WNK4: variants seen among roughly 807,000 people sequenced by gnomAD.
The protein encoded by WNK4 is serine/threonine-protein kinase WNK4.
A neutral mutation model predicts 116.2 loss-of-function variants in WNK4; 94 were observed. The ratio of observed to expected loss-of-function variants is 0.81; its 90% CI spans 0.68 to 0.96. The LOEUF is 0.96. Ranked by LOEUF, WNK4 falls within the 40% of genes least tolerant of loss-of-function variation. WNK4 has a pLI of 0.00. For synonymous variants in WNK4, 655 were observed against 672.7 expected, an observed-to-expected ratio of 0.97 and a Z score of 0.41; for missense variants, 1,542 against 1,650.6, an observed-to-expected ratio of 0.93 and a Z score of 1.14.
At chr17:42,788,912 G>A in intron 11 of WNK4, 115 bp downstream of exon 11, 1 of 867,874 alleles carries the variant, frequency 1.2e-6, no homozygotes, top group South Asian at 1.3e-5. Context: ...TAAATCTCTG[G>A]TTGACACTTA....
Position 42,784,519 on chromosome 17 carries a change from C to T in WNK4, c.1110C>T (p.Thr370=). ...AFGMCMLEMA[T]SEYPYSECQN... ...GCATGTGCATGCTGGAGATGGCCAC[C>T]TCTGAGTACCCGTACTCCGAGTGCC... The change falls in exon 4 of 19, where the codon ACC becomes ACT. Residue 370 remains threonine (T), a synonymous_variant. Transcript: ENST00000246914. The surrounding 1 kb of genome is among the most constrained non-coding windows in gnomAD (Gnocchi z 4.4). The T allele has an allele frequency of 1.9e-6, 3 of 1,614,072 alleles. No individual in the cohort carries two copies. The highest frequency in any genetic ancestry group is 2.5e-6 in the Non-Finnish European group (3 of 1,180,022).
chr17:42,790,818 G>T (rs527280768), intron 11 of WNK4, among the ~76,000 whole-genome samples: 2 of 152,066 alleles, frequency 1.3e-5, no homozygotes, highest in African/African-American at 4.8e-5. Flanking sequence ...CCCATGGGGT[G>T]AAGGAGGGAA....
In WNK4 at chr17:42,780,782, T is replaced by A; in HGVS notation, c.84T>A (p.Leu28=). The change falls in exon 1 of 19, where the codon CTT becomes CTA. Residue 28 remains leucine (L), a synonymous_variant. Transcript: ENST00000246914. ...ADLALRPPPP[L]GTAGQPRLGP... ...TGGCCCTGCGGCCCCCGCCTCCTCT[T>A]GGCACCGCGGGGCAGCCCCGCCTCG... is the stretch of plus-strand genomic sequence containing the variant. 6.2e-7 allele frequency: 1 copy of A among 1,605,518 alleles called. No homozygotes were observed. Among genetic ancestry groups the A allele is most frequent in the Non-Finnish European group, 8.5e-7 (1 of 1,178,818 alleles).
chr17:42,796,165 AG>A lies in WNK4; in HGVS notation c.3475del (p.Glu1159LysfsTer60), dbSNP rs749517605. On this transcript the variant is annotated frameshift_variant, in exon 17 of 19. Transcript: ENST00000246914. LOFTEE classifies it high-confidence loss of function. ...VETLQTLQKK[E>X]IEDLYSRLGK... is the part of the protein sequence containing the mutation. ...AAACACTACAGACACTACAGAAAAA[AG>A]AAATTGAAGATTTGTACAGCCGGCT... The A allele has an allele frequency of 6.2e-7, 1 of 1,614,164 alleles. No individual in the cohort carries two copies. Among genetic ancestry groups the A allele is most frequent in the Non-Finnish European group, 8.5e-7 (1 of 1,180,032 alleles).
rs775125625 is a variant in WNK4 at position 42,780,958 on chromosome 17, C to T, written c.260C>T (p.Pro87Leu). ...CCCGCTCCGGACCCCCCCGATCCTC[C>T]GGACTCCGCTGGTCCTGGCCCCGCG... is the stretch of plus-strand genomic sequence containing the variant. The part of the protein sequence containing the change: ...ASPAPDPPDP[P>L]DSAGPGPARS... The change falls in exon 1 of 19, where the codon CCG (proline) becomes CTG (leucine). Residue 87 changes from proline (P) to leucine (L), a missense_variant. By Grantham distance (98) the Pro-to-Leu change is moderately conservative. Coordinates refer to ENST00000246914, the MANE Select transcript of WNK4 (RefSeq NM_032387.5). The T allele has an allele frequency of 1.4e-5, 22 of 1,610,480 alleles. No homozygotes were observed. Among genetic ancestry groups the T allele is most frequent in the South Asian group, 7.7e-5 (7 of 91,056 alleles).
At chr17:42,789,319 C>A (rs989615386) in intron 11 of WNK4, among the ~76,000 whole-genome samples, 1 of 151,808 alleles carries the variant, frequency 6.6e-6, no homozygotes, top group Non-Finnish European at 1.5e-5. Flanking sequence ...GGAGTGAAGC[C>A]GGGTAGGTAG....
chr17:42,788,818 G>C, intron 11 of WNK4, 21 bp downstream of exon 11: 63 of 1,524,918 alleles, frequency 4.1e-5, no homozygotes, highest in Non-Finnish European at 5.6e-5. Context: ...GAGAGATGAG[G>C]ACAGAGTGTT....
chr17:42,790,524 G>C (rs1012958400), intron 11 of WNK4, among the ~76,000 whole-genome samples: 1 of 152,146 alleles, frequency 6.6e-6, no homozygotes, highest in Non-Finnish European at 1.5e-5. Flanking sequence ...AGTCAGTACA[G>C]AGTTGAGAGT....
At position 42,796,049 on chromosome 17, in the gene WNK4, A is replaced by G; in HGVS notation, c.3431+16A>G. On this transcript the variant is annotated intron_variant, in intron 16 of 18. Transcript: ENST00000246914. ...TTCGGCAGAAGTGAGTCTCGGGAGGATGGAGGAGTGAGAGGAGAACCTGGG... is the reference window on the plus strand; with the variant it reads ...TTCGGCAGAAGTGAGTCTCGGGAGGGTGGAGGAGTGAGAGGAGAACCTGGG... 1 of 1,613,952 alleles carries G rather than the reference A, an allele frequency of 6.2e-7. No individual in the cohort carries two copies. The highest frequency in any genetic ancestry group is 8.5e-7 in the Non-Finnish European group (1 of 1,180,020).
Position 42,796,705 on chromosome 17 carries a change from A to C in WNK4, c.*17A>C. ...CTCCAGTGAATTCAGAACAGAAGCC[A>C]TGTATCTCCCCCACACCAGGGCCCA... On this transcript the variant is annotated 3_prime_UTR_variant, in exon 19 of 19. Coordinates refer to ENST00000246914, the MANE Select transcript of WNK4 (RefSeq NM_032387.5). The C allele has an allele frequency of 6.2e-7, 1 of 1,614,186 alleles. No individual in the cohort carries two copies. The highest frequency in any genetic ancestry group is 1.7e-5 in the Admixed American group (1 of 60,020).
chr17:42,784,974 G>T lies in WNK4; in HGVS notation c.1171-123G>T. 1 of 921,920 alleles carries T rather than the reference G, an allele frequency of 1.1e-6. No individual in the cohort carries two copies. The highest frequency in any genetic ancestry group is 2.0e-5 in the Admixed American group (1 of 49,940). 57.1% of individuals were successfully genotyped at this position (921,920 alleles called of 1,614,324 possible). ...TTTGAAATCACATCTTCCAGTAGCA[G>T]TCAGGCTTTTGCAACTGCACGCGCA... On this transcript the variant is annotated intron_variant, in intron 4 of 18. Coordinates refer to ENST00000246914, the MANE Select transcript of WNK4 (RefSeq NM_032387.5). This position sits in a 1 kb window ranked among gnomAD's most constrained non-coding sequence, Gnocchi z 4.4.
At chr17:42,792,582 T>C (rs1053138256) in intron 11 of WNK4, among the ~76,000 whole-genome samples, 1 of 152,222 alleles carries the variant, frequency 6.6e-6, no homozygotes, top group Admixed American at 6.5e-5. Flanking sequence ...TTTCTATCTA[T>C]ATCTCACTTG....
In WNK4 at chr17:42,780,658, G is replaced by C. The variant is rs764485950; in HGVS notation, c.-41G>C. ...CCGTCTGTCAGGCCGCCTCCTCTCC[G>C]GCCGTCTGATTTTCTACCCTTCGGC... On this transcript the variant is annotated 5_prime_UTR_variant, in exon 1 of 19. Coordinates refer to ENST00000246914, the MANE Select transcript of WNK4 (RefSeq NM_032387.5). 1.3e-6 allele frequency: 2 copies of C among 1,599,286 alleles called. No homozygotes were observed. Among genetic ancestry groups the C allele is most frequent in the Non-Finnish European group, 8.5e-7 (1 of 1,178,802 alleles).
chr17:42,784,597 G>A lies in WNK4; in HGVS notation c.1170+18G>A. Reference sequence around the variant, plus strand: ...TCACTTCGGTGAGAGGGATGGGGCTGGCGGGAAAGGCAATTCCAGGGCCAC... The same window carrying A: ...TCACTTCGGTGAGAGGGATGGGGCTAGCGGGAAAGGCAATTCCAGGGCCAC... On this transcript the variant is annotated intron_variant, in intron 4 of 18. Coordinates refer to ENST00000246914, the MANE Select transcript of WNK4 (RefSeq NM_032387.5). This position sits in a 1 kb window ranked among gnomAD's most constrained non-coding sequence, Gnocchi z 4.4. The A allele has an allele frequency of 6.2e-7, 1 of 1,613,966 alleles. No homozygotes were observed. The highest frequency in any genetic ancestry group is 8.5e-7 in the Non-Finnish European group (1 of 1,180,004).
intron 11 of WNK4, among the ~76,000 whole-genome samples, chr17:42,790,983 TC>T (rs1187209360): frequency 6.6e-6 from 1 of 152,146 alleles, no homozygotes; most frequent in Non-Finnish European, 1.5e-5. Flanking sequence ...GAGTCTTCCA[TC>T]CAGCCACACT....
Position 42,780,919 on chromosome 17 carries a change from C to G in WNK4, c.221C>G (p.Ser74Cys). The G allele has an allele frequency of 6.2e-7, 1 of 1,608,640 alleles. No homozygotes were observed. The highest frequency in any genetic ancestry group is 8.5e-7 in the Non-Finnish European group (1 of 1,179,720). Residue 74 changes from serine to cysteine, a missense_variant, in exon 1 of 19, where the codon TCC (serine) becomes TGC (cysteine). Around this residue, in one of 7 missense-constraint regions of WNK4, gnomAD observed 243 missense variants for 217.8 expected, o/e 1.12. Transcript: ENST00000246914. The part of the protein sequence containing the change: ...SVDLGLLSSW[S>C]LPASPAPDPP... ...GACTTGGGGCTGCTGAGCTCTTGGTCCCTGCCAGCCTCACCCGCTCCGGAC... is the reference window on the plus strand; with the variant it reads ...GACTTGGGGCTGCTGAGCTCTTGGTGCCTGCCAGCCTCACCCGCTCCGGAC...
At chr17:42,794,378 T>C (rs980835457) in intron 12 of WNK4, 12 of 577,826 alleles carry the variant, frequency 2.1e-5, no homozygotes, top group Non-Finnish European at 1.5e-5. Flanking sequence ...TGTCTCTTCC[T>C]CTCCCCTCTG....
In WNK4 at chr17:42,796,986, G is replaced by A; in HGVS notation, c.*298G>A. On this transcript the variant is annotated 3_prime_UTR_variant, in exon 19 of 19. Coordinates refer to ENST00000246914, the MANE Select transcript of WNK4 (RefSeq NM_032387.5). ...ACCCAAGCCTGGATGCTTCTAGAGG[G>A]GCCCACTCCCAGCTGGGAGAGTGTA... 1 of 547,784 alleles carries A rather than the reference G, an allele frequency of 1.8e-6. No homozygotes were observed. The allele number at this position is 547,784 out of a possible 1,614,324, so 33.9% of individuals were successfully genotyped here. A position where few individuals can be genotyped will look rare whatever the true frequency, so the allele number is the denominator to read the frequency against.
chr17:42,781,246 G>T lies in WNK4; in HGVS notation c.548G>T (p.Gly183Val). ...YLKFDIEIGR[G>V]SFKTVYRGLD... The stretch of plus-strand genomic sequence containing the variant: ...AAGTTTGACATCGAGATTGGACGTG[G>T]CTCCTTCAAGACGGTGTATCGAGGG... Residue 183 changes from glycine (G) to valine (V), a missense_variant, in exon 1 of 19, where the codon GGC becomes GTC. By Grantham distance (109) the Gly-to-Val change is moderately radical. Transcript: ENST00000246914. 6.2e-7 allele frequency: 1 copy of T among 1,614,172 alleles called. No homozygotes were observed. Among genetic ancestry groups the T allele is most frequent in the Non-Finnish European group, 8.5e-7 (1 of 1,180,012 alleles).
Sources: gnomAD v4.1 joint callset for allele counts (sites outside exome capture counted in the v4.1 genomes callset) on GRCh38, gnomAD v4.1.1 for gene constraint, gnomAD v4.1.1 regional missense constraint, Gnocchi (gnomAD v3.1) non-coding constraint, MANE v1.5 for transcripts, NCBI Gene and HGNC (gene_info 2026-07-23, HGNC 2026-07-21) for gene names.